The following DLG2 variants were observed in gnomAD, a reference collection of about 807,000 sequenced individuals.
DLG2 encodes the protein disks large homolog 2.
A neutral mutation model predicts 132.5 loss-of-function variants in DLG2; 45 were observed. The observed-to-expected ratio is 0.34, with a 90% CI of 0.27 to 0.44. The LOEUF is 0.44. Among genes scored for constraint, DLG2 ranks in the 20% least tolerant of loss-of-function variants. The pLI is 1.00. For synonymous variants in DLG2, 424 were observed against 419.6 expected (o/e 1.01, Z -0.13); for missense variants, 1,045 against 1,196.9 (o/e 0.87, Z 1.87).
intron 21 of DLG2, among the ~76,000 whole-genome samples, chr11:83,518,449 C>T (rs2095369808): frequency 1.3e-5 from 2 of 152,180 alleles, no homozygotes; most frequent in South Asian, 4.1e-4. Context: ...AAAGGGAATT[C>T]CCTGACCTCT....
chr11:83,702,182 T>C (rs1281686722), intron 18 of DLG2, among the ~76,000 whole-genome samples: 1 of 152,138 alleles, frequency 6.6e-6, no homozygotes, highest in East Asian at 1.9e-4. Flanking sequence ...ACATATCTTC[T>C]CTTAAACAGG....
At chr11:83,918,387 A>G (rs1047668437) in intron 15 of DLG2, among the ~76,000 whole-genome samples, 3 of 152,126 alleles carry the variant, frequency 2.0e-5, no homozygotes, top group Admixed American at 2.0e-4. Flanking sequence ...GCATTCACTC[A>G]CACCTATCCT....
intron 3 of DLG2, among the ~76,000 whole-genome samples, chr11:85,542,143 T>C (rs1598393808): frequency 6.6e-6 from 1 of 152,234 alleles, no homozygotes; most frequent in East Asian, 1.9e-4. Context: ...GCACTTTTTG[T>C]CCTGCTGGTC....
At chr11:84,073,713 T>C (rs1346319478) in intron 10 of DLG2, among the ~76,000 whole-genome samples, 1 of 152,220 alleles carries the variant, frequency 6.6e-6, no homozygotes, top group Non-Finnish European at 1.5e-5. Context: ...ATTATTTTAA[T>C]TCTCAGAGCT....
At chr11:85,188,361 GCAAA>G (rs1260207102) in intron 4 of DLG2, among the ~76,000 whole-genome samples, 4 of 152,134 alleles carry the variant, frequency 2.6e-5, no homozygotes, top group African/African-American at 7.2e-5. Flanking sequence ...CAGGAAAGTT[GCAAA>G]CAAACAAAAC....
chr11:84,206,319 A>G (rs1217295093), intron 8 of DLG2, among the ~76,000 whole-genome samples: 1 of 152,112 alleles, frequency 6.6e-6, no homozygotes, highest in East Asian at 1.9e-4. Flanking sequence ...CAAATATGTA[A>G]AGAAGAAATA....
At chr11:83,473,699 G>C (rs2092332342) in intron 22 of DLG2, among the ~76,000 whole-genome samples, 1 of 151,890 alleles carries the variant, frequency 6.6e-6, no homozygotes, top group African/African-American at 2.4e-5. Context: ...GAGCAGAAGT[G>C]GAATATGAGG....
chr11:84,422,454 A>G (rs1214547586), intron 7 of DLG2, among the ~76,000 whole-genome samples: 1 of 152,212 alleles, frequency 6.6e-6, no homozygotes, highest in African/African-American at 2.4e-5. Context: ...TTCTGTCTGA[A>G]TAAGGGTATG....
intron 18 of DLG2, among the ~76,000 whole-genome samples, chr11:83,690,565 T>A (rs1027035209): frequency 6.6e-6 from 1 of 151,444 alleles, no homozygotes; most frequent in African/African-American, 2.4e-5. Context: ...TGAACACTTA[T>A]AAGGGGCAGA....
intron 7 of DLG2, among the ~76,000 whole-genome samples, chr11:84,375,077 C>T (rs67739867): frequency 0.063 from 9,595 of 152,204 alleles, 378 homozygotes; most frequent in Admixed American, 0.092. Flanking sequence ...GAAACTCTGT[C>T]TTTAAAAAGC....
chr11:84,718,849 C>T (rs964200716), intron 6 of DLG2, among the ~76,000 whole-genome samples: 3 of 152,146 alleles, frequency 2.0e-5, no homozygotes, highest in African/African-American at 7.2e-5. Context: ...CACAAACCTT[C>T]AACAATTCTA....
At chr11:83,696,136 G>A (rs891865352) in intron 18 of DLG2, among the ~76,000 whole-genome samples, 1 of 152,182 alleles carries the variant, frequency 6.6e-6, no homozygotes, top group East Asian at 1.9e-4. Context: ...TTGAGGCTGG[G>A]AGCATAGAGA....
chr11:85,211,777 A>C (rs1481679843), intron 4 of DLG2, among the ~76,000 whole-genome samples: 7 of 152,132 alleles, frequency 4.6e-5, no homozygotes, highest in Non-Finnish European at 1.0e-4. Flanking sequence ...TATATGTTGA[A>C]GCACTCTGTG....
chr11:84,920,710 A>AGT (rs1342803906), intron 6 of DLG2, among the ~76,000 whole-genome samples: 5 of 94,852 alleles, frequency 5.3e-5, no homozygotes, highest in Non-Finnish European at 1.0e-4. Context: ...GATGTTTGTA[A>AGT]ATATGTGTGT....
intron 15 of DLG2, among the ~76,000 whole-genome samples, chr11:83,896,207 A>T (rs1878265): frequency 2.0e-5 from 3 of 152,110 alleles, no homozygotes; most frequent in African/African-American, 7.2e-5. Flanking sequence ...GGAATAAAAT[A>T]TGAAAACGAC....
intron 6 of DLG2, among the ~76,000 whole-genome samples, chr11:84,721,409 G>A (rs980378469): frequency 8.5e-5 from 13 of 152,140 alleles, no homozygotes; most frequent in Non-Finnish European, 2.9e-5. Context: ...TCCCCACCTT[G>A]ATGTCTTTGA....
At chr11:85,222,934 T>G (rs1391102129) in intron 4 of DLG2, among the ~76,000 whole-genome samples, 1 of 152,116 alleles carries the variant, frequency 6.6e-6, no homozygotes, top group Non-Finnish European at 1.5e-5. Flanking sequence ...CAACAGTTTG[T>G]AAGAACCCAG....
At chr11:84,170,293 A>T (rs2095791341) in intron 8 of DLG2, among the ~76,000 whole-genome samples, 1 of 152,208 alleles carries the variant, frequency 6.6e-6, no homozygotes, top group African/African-American at 2.4e-5. Context: ...ATAATTTCCA[A>T]CTTAAATACT....
At chr11:85,191,735 C>G (rs1340892422) in intron 4 of DLG2, among the ~76,000 whole-genome samples, 1 of 152,066 alleles carries the variant, frequency 6.6e-6, no homozygotes, top group Non-Finnish European at 1.5e-5. Flanking sequence ...TTTCCTCCAT[C>G]CACAGATATG....
Sources: gnomAD v4.1 joint callset for allele counts (sites outside exome capture counted in the v4.1 genomes callset) on GRCh38, gnomAD v4.1.1 for gene constraint, MANE v1.5 for transcripts, NCBI Gene and HGNC (gene_info 2026-07-23, HGNC 2026-07-21) for gene names.